The following HIP1 variants were observed in gnomAD, a reference collection of about 807,000 sequenced individuals.
The protein encoded by HIP1 is huntingtin interacting protein 1.
Under a neutral mutation model 147.6 loss-of-function variants are expected in HIP1, and 65 were observed. The ratio of observed to expected loss-of-function variants is 0.44; its 90% confidence interval spans 0.36 to 0.54. The LOEUF (loss-of-function observed/expected upper bound fraction) is 0.54, where lower values mean the gene tolerates loss of function less well. Ranked by LOEUF, HIP1 falls within the 20% of genes least tolerant of loss-of-function variation. The probability of loss-of-function intolerance (pLI) is 0.00; values close to 1 mark genes in which losing one functional copy is unlikely to be tolerated. For synonymous variants in HIP1, 479 were observed against 504.0 expected (o/e 0.95, Z 0.67); for missense variants, 1,061 against 1,299.6 (o/e 0.82, Z 2.82).
intron 1 of HIP1, among the ~76,000 whole-genome samples, chr7:75,664,351 C>T (rs1442939341): frequency 1.6e-5 from 1 of 62,584 alleles, no homozygotes; most frequent in Non-Finnish European, 3.0e-5. Flanking sequence ...TGTATGTATA[C>T]GTATACATAC....
intron 5 of HIP1, among the ~76,000 whole-genome samples, chr7:75,583,754 A>ATT (rs1383888729): frequency 2.4e-5 from 2 of 83,614 alleles, no homozygotes; most frequent in Non-Finnish European, 5.0e-5. Flanking sequence ...ATGCGGGCTA[A>ATT]TTTGTGTGTG....
In HIP1 at chr7:75,568,069, G is replaced by T; in HGVS notation, c.803+130C>A. 1 of 707,954 alleles carries T rather than the reference G, an allele frequency of 1.4e-6. No homozygotes were observed. The highest frequency in any genetic ancestry group is 2.6e-6 in the Non-Finnish European group (1 of 384,058). 43.9% of individuals were successfully genotyped at this position (707,954 alleles called of 1,614,324 possible). A position where few individuals can be genotyped will look rare whatever the true frequency, so the allele number is the denominator to read the frequency against. Reference sequence around the variant, plus strand: ...GGCCTCAAGTGATCCTCCCGCCTCAGCCTCCCAAAGAGTTGGGGTTACAGG... The same window carrying T: ...GGCCTCAAGTGATCCTCCCGCCTCATCCTCCCAAAGAGTTGGGGTTACAGG... On this transcript the variant is annotated intron_variant, in intron 9 of 30. Transcript: ENST00000336926. This position sits in a 1 kb window ranked among gnomAD's most constrained non-coding sequence, Gnocchi z 4.1.
intron 1 of HIP1, among the ~76,000 whole-genome samples, chr7:75,650,141 C>T (rs1554511746): frequency 1.3e-5 from 2 of 152,062 alleles, no homozygotes; most frequent in South Asian, 2.1e-4. Context: ...AAAGATCTGC[C>T]GAATTTCTAA....
chr7:75,638,140 T>G (rs1798508488), intron 1 of HIP1, among the ~76,000 whole-genome samples: 1 of 151,428 alleles, frequency 6.6e-6, no homozygotes, highest in Non-Finnish European at 1.5e-5. Context: ...GTAGGGACAG[T>G]ACCCTGGTCT....
intron 1 of HIP1, among the ~76,000 whole-genome samples, chr7:75,687,736 C>T (rs1554517719): frequency 1.3e-5 from 2 of 152,258 alleles, no homozygotes; most frequent in East Asian, 3.9e-4. Context: ...TCATCTGGCT[C>T]TTGCCAGTCT....
chr7:75,720,857 G>A (rs1801478271), intron 1 of HIP1, among the ~76,000 whole-genome samples: 1 of 151,938 alleles, frequency 6.6e-6, no homozygotes, highest in Admixed American at 6.6e-5. Flanking sequence ...TCACCAACAT[G>A]GAGAAACCCA....
chr7:75,723,916 AT>A (rs1184472872), intron 1 of HIP1, among the ~76,000 whole-genome samples: 7 of 150,706 alleles, frequency 4.6e-5, no homozygotes, highest in Non-Finnish European at 1.0e-4. Context: ...CGCCCGGCTA[AT>A]TTTTTTATTA....
chr7:75,587,794 T>C (rs1274770199), intron 4 of HIP1, among the ~76,000 whole-genome samples: 5 of 151,952 alleles, frequency 3.3e-5, no homozygotes, highest in Admixed American at 2.6e-4. Flanking sequence ...CGAAACCCCA[T>C]CTCTACAAAA....
At chr7:75,553,980 A>G in intron 21 of HIP1, 133 bp downstream of exon 21, 1 of 641,176 alleles carries the variant, frequency 1.6e-6, no homozygotes, top group South Asian at 1.9e-5. Context: ...CCCGACCTCA[A>G]GTGATCTGCC....
At chr7:75,680,816 C>T (rs1161986682) in intron 1 of HIP1, among the ~76,000 whole-genome samples, 1 of 151,992 alleles carries the variant, frequency 6.6e-6, no homozygotes, top group East Asian at 1.9e-4. Context: ...TGCTCTGTCG[C>T]CCAGGCTGGA....
Position 75,556,620 on chromosome 7 carries a change from A to C in HIP1, c.1683+90T>G, listed in dbSNP as rs888960193. 37 of 815,288 alleles carry C rather than the reference A, an allele frequency of 4.5e-5. No homozygotes were observed. In the African/African-American group the frequency reaches 5.9e-4, roughly 13 times the overall value. 50.5% of individuals were successfully genotyped at this position (815,288 alleles called of 1,614,324 possible). On this transcript the variant is annotated intron_variant, in intron 17 of 30. Transcript: ENST00000336926. ...GGATCACCTGAGCCCAGGGAGGTGG[A>C]GGCTGCAGTGAGCTGCGATCGCACC...
intron 1 of HIP1, chr7:75,611,595 C>T: frequency 1.2e-6 from 1 of 844,418 alleles, no homozygotes; most frequent in Non-Finnish European, 1.5e-6. Flanking sequence ...CTGTTCCCGC[C>T]CCGCCACAGG....
chr7:75,638,403 C>T (rs912554480), intron 1 of HIP1, among the ~76,000 whole-genome samples: 11 of 151,664 alleles, frequency 7.3e-5, no homozygotes, highest in Non-Finnish European at 1.2e-4. Context: ...TGGAGGGCTT[C>T]TCTGGGGGAG....
At chr7:75,582,213 G>A in intron 5 of HIP1, 62 bp from the exon 6 acceptor site, 3 of 1,337,260 alleles carry the variant, frequency 2.2e-6, no homozygotes, top group East Asian at 4.6e-5. Context: ...CTCTCAGCCG[G>A]GCGTGGTGGC....
At chr7:75,713,310 T>C (rs1207406566) in intron 1 of HIP1, among the ~76,000 whole-genome samples, 1 of 152,138 alleles carries the variant, frequency 6.6e-6, no homozygotes, top group Non-Finnish European at 1.5e-5. Flanking sequence ...ATGGGTGCAA[T>C]GACATAGTTC....
chr7:75,586,460 C>T (rs1279943325), intron 5 of HIP1, among the ~76,000 whole-genome samples: 3 of 152,106 alleles, frequency 2.0e-5, no homozygotes, highest in East Asian at 3.9e-4. Flanking sequence ...CCTGGGCCTC[C>T]GAAAGAGCTA....
At chr7:75,708,057 A>G (rs9791595) in intron 1 of HIP1, among the ~76,000 whole-genome samples, 4,737 of 147,882 alleles carry the variant, frequency 0.032, 146 homozygotes, top group East Asian at 0.19. Context: ...CTTCATGTCC[A>G]AAACACCAAA....
chr7:75,671,697 C>A (rs1799733822), intron 1 of HIP1, among the ~76,000 whole-genome samples: 1 of 152,020 alleles, frequency 6.6e-6, no homozygotes, highest in Admixed American at 6.6e-5. Flanking sequence ...ACAAGGATTC[C>A]AATTTCTCCA....
chr7:75,553,519 T>G lies in HIP1; in HGVS notation c.2229A>C (p.Gly743=), dbSNP rs1794870373. 4 of 1,614,062 alleles carry G rather than the reference T, an allele frequency of 2.5e-6. No individual in the cohort carries two copies. In the African/African-American group the frequency reaches 5.3e-5, roughly 22 times the overall value. ...CTGTGCTGTCGGCATTCTCAAGGCT[T>G]CCCTCTTCCTCCAGGGAGGCCAGGT... ...LAYLASLEEE[G]SLENADSTAM... is the part of the protein sequence containing the mutation. The change falls in exon 22 of 31, where the codon GGA becomes GGC. Residue 743 remains glycine (G), a synonymous_variant. Transcript: ENST00000336926.
Sources: gnomAD v4.1 joint callset for allele counts (sites outside exome capture counted in the v4.1 genomes callset) on GRCh38, gnomAD v4.1.1 for gene constraint, Gnocchi (gnomAD v3.1) non-coding constraint, MANE v1.5 for transcripts, NCBI Gene and HGNC (gene_info 2026-07-23, HGNC 2026-07-21) for gene names.